The following RETREG1 variants were observed in gnomAD, a reference collection of about 807,000 sequenced individuals.
RETREG1 encodes the protein reticulophagy regulator 1, also known as family with sequence similarity 134 member B.
RETREG1 carries 44 observed loss-of-function variants against 54.8 expected under a neutral mutation model. That is an observed-to-expected ratio of 0.80 (90% CI 0.63 to 1.03). RETREG1 has a LOEUF of 1.03. Among genes scored for constraint, RETREG1 ranks in the 50% least tolerant of loss-of-function variants. RETREG1 has a pLI of 0.00. For missense variants in RETREG1, 554 were observed against 605.1 expected (o/e 0.92, Z 0.89); for synonymous variants, 217 against 238.5 (o/e 0.91, Z 0.83).
intron 5 of RETREG1, among the ~76,000 whole-genome samples, chr5:16,480,263 C>G (rs916557210): frequency 5.3e-5 from 8 of 152,072 alleles, no homozygotes; most frequent in African/African-American, 1.7e-4. Context: ...CTGGTTTTGT[C>G]TACTCAGTCT....
chr5:16,493,114 G>A (rs933299627), intron 3 of RETREG1, among the ~76,000 whole-genome samples: 11 of 151,910 alleles, frequency 7.2e-5, no homozygotes, highest in African/African-American at 2.7e-4. Context: ...AGTTTAAAAC[G>A]ACTCAGAGAT....
intron 3 of RETREG1, among the ~76,000 whole-genome samples, chr5:16,547,333 G>C (rs2126612448): frequency 6.6e-6 from 1 of 152,332 alleles, no homozygotes; most frequent in East Asian, 1.9e-4. Flanking sequence ...CAAGATAAGA[G>C]CTATTTTATC....
intron 1 of RETREG1, among the ~76,000 whole-genome samples, chr5:16,575,057 G>A (rs1441445315): frequency 6.6e-6 from 1 of 152,160 alleles, no homozygotes; most frequent in East Asian, 1.9e-4. Flanking sequence ...TTGTTCATGT[G>A]CTGGGTGCTC....
At chr5:16,616,504 C>CGAGA (rs1035551784) in intron 1 of RETREG1, 148 bp downstream of exon 1, 69 of 1,363,258 alleles carry the variant, frequency 5.1e-5, no homozygotes, top group Non-Finnish European at 6.6e-5. Context: ...TCTACCTGTT[C>CGAGA]GAGACAGGTG....
intron 5 of RETREG1, 62 bp downstream of exon 5, chr5:16,480,947 G>C: frequency 2.6e-6 from 3 of 1,133,754 alleles, no homozygotes; most frequent in Non-Finnish European, 4.0e-6. Flanking sequence ...CTACAGGTCT[G>C]TTGACCGTAA....
At chr5:16,533,823 G>A (rs992443616) in intron 3 of RETREG1, among the ~76,000 whole-genome samples, 7 of 152,232 alleles carry the variant, frequency 4.6e-5, no homozygotes, top group Admixed American at 3.3e-4. Flanking sequence ...TGCAGCCCCA[G>A]ATGGCTGGGC....
intron 8 of RETREG1, 116 bp downstream of exon 8, chr5:16,477,546 T>C (rs1422853647): frequency 1.0e-6 from 1 of 979,466 alleles, no homozygotes; most frequent in Non-Finnish European, 1.6e-6. Context: ...AGCCAAGTAA[T>C]ATTCTACTGT....
intron 5 of RETREG1, among the ~76,000 whole-genome samples, chr5:16,480,023 A>AT (rs1324038724): frequency 6.6e-6 from 1 of 151,996 alleles, no homozygotes; most frequent in Non-Finnish European, 1.5e-5. Context: ...AATTTGATAA[A>AT]TTTTGACATA....
chr5:16,616,271 A>T, intron 1 of RETREG1: 1 of 227,706 alleles, frequency 4.4e-6, no homozygotes, highest in Non-Finnish European at 8.5e-6. Flanking sequence ...GGCTGCAAGA[A>T]CCAAGACACG....
At chr5:16,482,578 A>G (rs1738828910) in intron 4 of RETREG1, among the ~76,000 whole-genome samples, 1 of 152,088 alleles carries the variant, frequency 6.6e-6, no homozygotes, top group African/African-American at 2.4e-5. Context: ...GATATTGCCT[A>G]TACAAGGTAC....
intron 3 of RETREG1, among the ~76,000 whole-genome samples, chr5:16,555,093 T>C (rs1275294099): frequency 6.6e-6 from 1 of 152,086 alleles, no homozygotes; most frequent in African/African-American, 2.4e-5. Context: ...ATTGCAGTAA[T>C]TATTTTCTGA....
At chr5:16,509,442 A>T (rs1740097019) in intron 3 of RETREG1, 2 of 152,204 alleles carry the variant, frequency 1.3e-5, no homozygotes, top group Admixed American at 1.3e-4. Context: ...ACACTGGCAC[A>T]GGAAGGATTG....
At chr5:16,548,402 T>G (rs1028989829) in intron 3 of RETREG1, among the ~76,000 whole-genome samples, 1 of 152,190 alleles carries the variant, frequency 6.6e-6, no homozygotes, top group African/African-American at 2.4e-5. Flanking sequence ...CCAATGAGGC[T>G]GAAAGACTGT....
At chr5:16,570,683 T>C (rs1742149033) in intron 2 of RETREG1, among the ~76,000 whole-genome samples, 1 of 152,154 alleles carries the variant, frequency 6.6e-6, no homozygotes, top group Non-Finnish European at 1.5e-5. Flanking sequence ...TAAATAAGAA[T>C]CATCAAGGAC....
chr5:16,525,274 G>T (rs1204831243), intron 3 of RETREG1, among the ~76,000 whole-genome samples: 15 of 94,654 alleles, frequency 1.6e-4, no homozygotes, highest in East Asian at 1.2e-3. Context: ...ACAGGTGGAT[G>T]TGCGCGGGGG....
At chr5:16,541,739 G>GGAA (rs1741252409) in intron 3 of RETREG1, among the ~76,000 whole-genome samples, 3 of 102,186 alleles carry the variant, frequency 2.9e-5, no homozygotes, top group African/African-American at 7.1e-5. Flanking sequence ...GAGGGAGGGA[G>GGAA]GGAAGGAAGG....
At chr5:16,547,378 C>G (rs926909068) in intron 3 of RETREG1, among the ~76,000 whole-genome samples, 1 of 152,166 alleles carries the variant, frequency 6.6e-6, no homozygotes, top group Non-Finnish European at 1.5e-5. Flanking sequence ...AACTCCTGAA[C>G]AGAAAACAGG....
chr5:16,571,750 A>G (rs1742176695), intron 2 of RETREG1, among the ~76,000 whole-genome samples: 1 of 152,176 alleles, frequency 6.6e-6, no homozygotes, highest in African/African-American at 2.4e-5. Context: ...CTACTTAAAT[A>G]CCAACGTGGT....
At chr5:16,530,153 C>T (rs534273316) in intron 3 of RETREG1, among the ~76,000 whole-genome samples, 13 of 152,326 alleles carry the variant, frequency 8.5e-5, no homozygotes, top group African/African-American at 3.1e-4. Context: ...GGCTATAGGC[C>T]TCTTGTCTGT....
Sources: allele counts gnomAD v4.1 joint callset (sites outside exome capture counted in the v4.1 genomes callset), GRCh38; gene constraint gnomAD v4.1.1; transcripts MANE v1.5; gene names NCBI Gene and HGNC (gene_info 2026-07-23, HGNC 2026-07-21).